The following MORC1 variants were observed in gnomAD, a reference collection of about 807,000 sequenced individuals.
MORC1 encodes the protein MORC family CW-type zinc finger 1.
MORC1 carries 59 observed loss-of-function variants against 134.9 expected under a neutral mutation model. That is an observed-to-expected ratio of 0.44 (90% confidence interval 0.35 to 0.54). MORC1 has a LOEUF of 0.54. MORC1 is among the 20% of genes least tolerant of loss of function. The pLI is 0.00. For missense variants in MORC1, 947 were observed against 1,134.5 expected (o/e 0.83, Z 2.37); for synonymous variants, 395 against 391.7 (o/e 1.01, Z -0.10).
At chr3:108,977,947 A>C (rs941956934) in intron 24 of MORC1, among the ~76,000 whole-genome samples, 1 of 152,020 alleles carries the variant, frequency 6.6e-6, no homozygotes, top group Non-Finnish European at 1.5e-5. Context: ...GCGCGATCTC[A>C]GCTCACTGCA....
At chr3:109,030,589 G>C (rs540296318) in intron 16 of MORC1, among the ~76,000 whole-genome samples, 6 of 152,142 alleles carry the variant, frequency 3.9e-5, no homozygotes, top group Admixed American at 2.6e-4. Context: ...TTAATATCAT[G>C]TCAGTATATT....
intron 9 of MORC1, among the ~76,000 whole-genome samples, chr3:109,067,076 T>C (rs946476795): frequency 2.6e-5 from 4 of 152,166 alleles, no homozygotes; most frequent in African/African-American, 9.7e-5. Flanking sequence ...TTCAGAAGCA[T>C]AGTGTTGCAG....
At chr3:109,006,068 G>A (rs952709569) in intron 18 of MORC1, among the ~76,000 whole-genome samples, 3 of 152,218 alleles carry the variant, frequency 2.0e-5, no homozygotes, top group African/African-American at 7.2e-5. Flanking sequence ...ACGATGACAT[G>A]TTACAATCTA....
chr3:109,057,222 G>A (rs1349258431), intron 13 of MORC1, 121 bp downstream of exon 13: 5 of 1,014,392 alleles, frequency 4.9e-6, no homozygotes, highest in East Asian at 2.7e-5. Context: ...AACAGGAAGG[G>A]TGAACAGAGA....
At chr3:109,050,797 T>C (rs1949806043) in intron 14 of MORC1, among the ~76,000 whole-genome samples, 2 of 152,178 alleles carry the variant, frequency 1.3e-5, no homozygotes, top group African/African-American at 4.8e-5. Flanking sequence ...AGTTTTCCTT[T>C]CACGGGTGGC....
rs568272667 is a variant in MORC1 at position 108,979,846 on chromosome 3, T to C, written c.2325-179A>G. ...ACAAATTCTTAATTAGAAGAATTTATATTTATTCCAGTCACATATTTTTTT... is the reference window on the plus strand; with the variant it reads ...ACAAATTCTTAATTAGAAGAATTTACATTTATTCCAGTCACATATTTTTTT... On this transcript the variant is annotated intron_variant, in intron 23 of 27. Transcript: ENST00000232603. 2.6e-4 allele frequency among the ~76,000 whole-genome samples: 39 copies of C among 152,378 alleles called. 1 individual carries two copies. The South Asian group carries it at 7.9e-3, about 31-fold the overall frequency.
intron 6 of MORC1, among the ~76,000 whole-genome samples, chr3:109,098,366 A>G (rs1421710314): frequency 6.6e-6 from 1 of 152,140 alleles, no homozygotes; most frequent in Non-Finnish European, 1.5e-5. Context: ...TACACACATA[A>G]CATGCAACAT....
intron 9 of MORC1, among the ~76,000 whole-genome samples, chr3:109,069,078 C>A (rs1353697209): frequency 1.3e-5 from 2 of 152,254 alleles, no homozygotes; most frequent in African/African-American, 4.8e-5. Flanking sequence ...ATCACATGAA[C>A]CAGGGAGGCA....
Position 108,963,558 on chromosome 3 carries a change from C to T in MORC1, c.2655G>A (p.Leu885=), listed in dbSNP as rs762168874. The change falls in exon 27 of 28, where the codon TTG becomes TTA. Residue 885 remains leucine (L), a synonymous_variant. Coordinates refer to ENST00000232603, the MANE Select transcript of MORC1 (RefSeq NM_014429.4). ...VQYEKKIKRK[L]QSIIYDSNTR... is the part of the protein sequence containing the mutation. ...TATTTGAATCATAGATAATGGACTG[C>T]AATTTCCTCTTTATTTTTTTTTCAT... is the stretch of plus-strand genomic sequence containing the variant. 1.3e-6 allele frequency: 2 copies of T among 1,591,942 alleles called. No homozygotes were observed. Among genetic ancestry groups the T allele is most frequent in the Non-Finnish European group, 1.7e-6 (2 of 1,169,884 alleles).
At chr3:109,071,824 A>AT (rs1346033269) in intron 8 of MORC1, among the ~76,000 whole-genome samples, 2 of 152,186 alleles carry the variant, frequency 1.3e-5, no homozygotes, top group Admixed American at 6.5e-5. Context: ...AGGTTTGCAT[A>AT]TAAGCCATAT....
At chr3:109,101,371 C>G (rs1045582496) in intron 4 of MORC1, 3 of 152,170 alleles carry the variant, frequency 2.0e-5, no homozygotes, top group Admixed American at 2.0e-4. Flanking sequence ...AATCATTCTC[C>G]CGACCTCTCC....
chr3:109,117,869 C>A, intron 1 of MORC1, 126 bp downstream of exon 1: 1 of 844,404 alleles, frequency 1.2e-6, no homozygotes, highest in Admixed American at 2.1e-5. Flanking sequence ...GCCTATACAG[C>A]TCAAATAAAT....
chr3:109,061,247 T>TGTA (rs1559928597), intron 11 of MORC1, among the ~76,000 whole-genome samples: 1 of 152,250 alleles, frequency 6.6e-6, no homozygotes, highest in Non-Finnish European at 1.5e-5. Context: ...CTTATCCCTT[T>TGTA]GTATGTAAGC....
chr3:109,012,245 A>G (rs1222899166), intron 17 of MORC1, among the ~76,000 whole-genome samples: 1 of 152,192 alleles, frequency 6.6e-6, no homozygotes, highest in Non-Finnish European at 1.5e-5. Context: ...TTAGTTGAAA[A>G]TCAGCTGGCT....
At chr3:108,992,720 C>T (rs1489393589) in intron 21 of MORC1, among the ~76,000 whole-genome samples, 1 of 152,220 alleles carries the variant, frequency 6.6e-6, no homozygotes, top group Admixed American at 6.5e-5. Context: ...CTAACTGCCT[C>T]ATCTCTCTCT....
intron 24 of MORC1, 135 bp from the exon 25 acceptor site, chr3:108,971,537 G>A: frequency 1.4e-6 from 1 of 706,040 alleles, no homozygotes; most frequent in Non-Finnish European, 2.3e-6. Flanking sequence ...CAAACATTTT[G>A]TTTTTATCAC....
At chr3:109,096,663 C>T (rs1950836671) in intron 6 of MORC1, among the ~76,000 whole-genome samples, 1 of 152,134 alleles carries the variant, frequency 6.6e-6, no homozygotes, top group Admixed American at 6.6e-5. Flanking sequence ...TATAAGTATA[C>T]TCAGTTGAGC....
chr3:109,083,100 C>G (rs1950552291), intron 8 of MORC1, among the ~76,000 whole-genome samples: 1 of 152,022 alleles, frequency 6.6e-6, no homozygotes, highest in Admixed American at 6.6e-5. Flanking sequence ...CAATGGAAAT[C>G]ATACAGGACA....
At chr3:109,076,057 T>C (rs1950413884) in intron 8 of MORC1, among the ~76,000 whole-genome samples, 2 of 152,026 alleles carry the variant, frequency 1.3e-5, no homozygotes, top group African/African-American at 4.8e-5. Context: ...ACCTACAGAA[T>C]GGGGGGAAAT....
Sources: allele counts gnomAD v4.1 joint callset (sites outside exome capture counted in the v4.1 genomes callset), GRCh38; gene constraint gnomAD v4.1.1; transcripts MANE v1.5; gene names NCBI Gene and HGNC (gene_info 2026-07-23, HGNC 2026-07-21).